Variants in CHN2 observed in about 807,000 individuals in gnomAD.
CHN2 encodes beta-chimaerin.
CHN2 carries 35 observed loss-of-function variants against 56.3 expected under a neutral mutation model. That is an observed-to-expected ratio of 0.62 (90% CI 0.47 to 0.82). CHN2 has a LOEUF of 0.82. Among genes scored for constraint, CHN2 ranks in the 40% least tolerant of loss-of-function variants. CHN2 has a pLI of 0.00. For synonymous variants in CHN2, 210 were observed against 212.8 expected, an observed-to-expected ratio of 0.99 and a Z score of 0.12; for missense variants, 491 against 580.5, an observed-to-expected ratio of 0.85 and a Z score of 1.58.
At chr7:29,384,342 T>C (rs1352845665) in intron 3 of CHN2, among the ~76,000 whole-genome samples, 1 of 152,188 alleles carries the variant, frequency 6.6e-6, no homozygotes, top group Non-Finnish European at 1.5e-5. Context: ...AGACCTTGGT[T>C]TGGATCTCAT....
Position 29,273,318 on chromosome 7 carries a change from C to CAG in CHN2, c.49+78328_49+78329insAG, listed in dbSNP as rs1271580400. On this transcript the variant is annotated intron_variant, in intron 1 of 12. Coordinates refer to ENST00000222792, the MANE Select transcript of CHN2 (RefSeq NM_004067.4). ...TCCTTTTCTAAGGCTGAATAATATT[C>CAG]CATCATGCATATATATATATATGTG... 4.4e-4 allele frequency among the ~76,000 whole-genome samples: 49 copies of CAG among 111,692 alleles called. 1 individual carries two copies. The highest frequency in any genetic ancestry group is 1.6e-3 in the African/African-American group (47 of 28,836). The allele number at this position is 111,692 out of a possible 152,430, so 73.3% of individuals were successfully genotyped here.
At chr7:29,346,082 A>T (rs1797411974) in intron 1 of CHN2, among the ~76,000 whole-genome samples, 1 of 152,172 alleles carries the variant, frequency 6.6e-6, no homozygotes, top group Non-Finnish European at 1.5e-5. Flanking sequence ...GCAGGGAACC[A>T]GCATTAGCAA....
chr7:29,260,871 C>A (rs1054350284), intron 1 of CHN2, among the ~76,000 whole-genome samples: 18 of 152,178 alleles, frequency 1.2e-4, no homozygotes, highest in African/African-American at 4.1e-4. Flanking sequence ...CTCATTCTGA[C>A]ACATGTAATT....
At chr7:29,308,754 T>A (rs1794359989) in intron 1 of CHN2, among the ~76,000 whole-genome samples, 2 of 152,228 alleles carry the variant, frequency 1.3e-5, no homozygotes, top group South Asian at 4.1e-4. Flanking sequence ...GGGTGGATAA[T>A]AGCCCTGTTC....
At chr7:29,408,203 AAAT>A (rs1802841751) in intron 6 of CHN2, among the ~76,000 whole-genome samples, 6 of 148,932 alleles carry the variant, frequency 4.0e-5, no homozygotes, top group Non-Finnish European at 5.9e-5. Context: ...AAAAAAAAAT[AAAT>A]TAAATTAAAA....
intron 1 of CHN2, among the ~76,000 whole-genome samples, chr7:29,301,271 T>A (rs1793631177): frequency 6.6e-6 from 1 of 151,954 alleles, no homozygotes; most frequent in Non-Finnish European, 1.5e-5. Flanking sequence ...AGTTCCTACT[T>A]TCTTCTATAG....
At chr7:29,406,083 T>A (rs1802628667) in intron 6 of CHN2, among the ~76,000 whole-genome samples, 1 of 152,238 alleles carries the variant, frequency 6.6e-6, no homozygotes, top group Non-Finnish European at 1.5e-5. Flanking sequence ...CAGAGTGTTA[T>A]TGTTGTTGCT....
intron 2 of CHN2, among the ~76,000 whole-genome samples, chr7:29,171,139 C>T (rs917331161): frequency 1.3e-5 from 2 of 151,864 alleles, no homozygotes; most frequent in Non-Finnish European, 2.9e-5. Flanking sequence ...CTGCCGGTTT[C>T]CCCCCAGTTC....
At chr7:29,146,956 T>G (rs1179755417) in exon 2 of CHN2, 1 of 1,551,088 alleles carries the variant, frequency 6.4e-7, no homozygotes, top group Admixed American at 2.0e-5. Context: ...CCAGCTGCAC[T>G]AGCAGTAAGC....
At chr7:29,205,893 T>G (rs1231894213) in intron 1 of CHN2, among the ~76,000 whole-genome samples, 4 of 152,166 alleles carry the variant, frequency 2.6e-5, no homozygotes. Flanking sequence ...GCCACATAAT[T>G]ATTAGGAAAG....
rs1264282331 is a variant in CHN2 at position 29,176,742 on chromosome 7, A to G, written c.274+29782A>G. Among the ~76,000 whole-genome samples the G allele has an allele frequency of 3.9e-5, 6 of 152,330 alleles. No homozygotes were observed. The East Asian group carries it at 1.2e-3, about 29-fold the overall frequency. ...TAACGTTGACAGTATAAAACAACAA[A>G]TAATGGCTAACTTCTGGTGTTTAAA... On this transcript the variant is annotated intron_variant, in intron 2 of 6. Coordinates refer to the CHN2 transcript ENST00000439384.
intron 1 of CHN2, among the ~76,000 whole-genome samples, chr7:29,348,750 C>T (rs1441093957): frequency 6.6e-6 from 1 of 151,978 alleles, no homozygotes; most frequent in Non-Finnish European, 1.5e-5. Flanking sequence ...TTTATTTAGT[C>T]AGTGTACTTT....
chr7:29,198,787 C>T (rs146608435), intron 1 of CHN2, among the ~76,000 whole-genome samples: 37 of 151,938 alleles, frequency 2.4e-4, no homozygotes, highest in African/African-American at 8.9e-4. Context: ...AATATGATTG[C>T]CAAATGGATA....
At chr7:29,506,630 C>T (rs145523207) in intron 10 of CHN2, among the ~76,000 whole-genome samples, 22 of 152,282 alleles carry the variant, frequency 1.4e-4, no homozygotes, top group African/African-American at 5.3e-4. Context: ...GAGTGAGATT[C>T]TGTCTCACAC....
intron 3 of CHN2, among the ~76,000 whole-genome samples, chr7:29,379,007 A>T (rs893856960): frequency 6.6e-6 from 1 of 152,224 alleles, no homozygotes; most frequent in Non-Finnish European, 1.5e-5. Flanking sequence ...TACATAAAGC[A>T]CTTAGAACAG....
At chr7:29,415,519 A>C (rs1397431917) in intron 6 of CHN2, among the ~76,000 whole-genome samples, 1 of 152,214 alleles carries the variant, frequency 6.6e-6, no homozygotes, top group Non-Finnish European at 1.5e-5. Flanking sequence ...AAAACAAAAC[A>C]GGCCATGCCT....
At chr7:29,257,349 A>T (rs1288505330) in intron 1 of CHN2, among the ~76,000 whole-genome samples, 1 of 152,160 alleles carries the variant, frequency 6.6e-6, no homozygotes. Context: ...CACATGTATT[A>T]AAAAAACCAA....
intron 1 of CHN2, among the ~76,000 whole-genome samples, chr7:29,231,256 C>T (rs1310970563): frequency 2.0e-5 from 3 of 152,154 alleles, no homozygotes; most frequent in Admixed American, 6.5e-5. Flanking sequence ...TGTTTAAATA[C>T]TGCCACGGTA....
At chr7:29,488,686 C>G (rs1038756676) in intron 7 of CHN2, among the ~76,000 whole-genome samples, 1 of 152,072 alleles carries the variant, frequency 6.6e-6, no homozygotes, top group South Asian at 2.1e-4. Flanking sequence ...ACTTCACCCC[C>G]CCACCTCCCC....
Sources: gnomAD v4.1 joint callset for allele counts (sites outside exome capture counted in the v4.1 genomes callset) on GRCh38, gnomAD v4.1.1 for gene constraint, MANE v1.5 for transcripts, NCBI Gene and HGNC (gene_info 2026-07-23, HGNC 2026-07-21) for gene names.